The following PCDHGA2 variants were observed in gnomAD, a reference collection of about 807,000 sequenced individuals.
PCDHGA2 encodes the protein protocadherin gamma subfamily A, 2.
PCDHGA2 carries 40 observed loss-of-function variants against 59.2 expected under a neutral mutation model. The ratio of observed to expected loss-of-function variants is 0.68; its 90% CI spans 0.52 to 0.88. PCDHGA2 has a LOEUF of 0.88. Among genes scored for constraint, PCDHGA2 ranks in the 40% least tolerant of loss-of-function variants. The pLI is 0.00. For synonymous variants in PCDHGA2, 560 were observed against 526.0 expected (o/e 1.06, Z -0.89); for missense variants, 1,226 against 1,204.0 (o/e 1.02, Z -0.27).
Position 141,379,889 on chromosome 5 carries a change from C to CTTTTTTTT in PCDHGA2, c.2424+38517_2424+38524dup, listed in dbSNP as rs70988800. On this transcript the variant is annotated intron_variant, in intron 1 of 3. Transcript: ENST00000394576. ...CTTATTTTATGGTCTGTGAAAGCCT[C>CTTTTTTTT]TTTTTTTTTTTTTTTTTTTTTTTTT... Among the ~76,000 whole-genome samples the CTTTTTTTT allele has an allele frequency of 4.7e-3, 239 of 50,824 alleles. 36 individuals carry two copies. The highest frequency in any genetic ancestry group is 8.3e-3 in the African/African-American group (125 of 15,078). The allele number at this position is 50,824 out of a possible 152,430, so 33.3% of individuals were successfully genotyped here.
chr5:141,401,171 G>A (rs1222326375), intron 1 of PCDHGA2, among the ~76,000 whole-genome samples: 1 of 152,054 alleles, frequency 6.6e-6, no homozygotes, highest in African/African-American at 2.4e-5. Context: ...GTGAAAACCC[G>A]TCTCTACTAA....
At chr5:141,495,605 T>G (rs1201224193) in intron 2 of PCDHGA2, among the ~76,000 whole-genome samples, 2 of 152,228 alleles carry the variant, frequency 1.3e-5, no homozygotes, top group African/African-American at 2.4e-5. Context: ...GCTTCCGTCT[T>G]GATTGCTGCA....
rs766168062 is a variant in PCDHGA2, at chr5:141,491,124, G to A, written c.2425-3683G>A. ...TCGTGTCTACACACACTGGTGAGGT[G>A]CGCACAGCCCGGGCCTTACTGGAGG... On this transcript the variant is annotated intron_variant, in intron 1 of 3. Transcript: ENST00000394576. The surrounding 1 kb of genome is among the most constrained non-coding windows in gnomAD (Gnocchi z 6.9). 22 of 1,614,092 alleles carry A rather than the reference G, an allele frequency of 1.4e-5. No individual in the cohort carries two copies. The highest frequency in any genetic ancestry group is 3.3e-5 in the Admixed American group (2 of 60,004).
Position 141,376,352 on chromosome 5 carries a change from G to A in PCDHGA2, c.2424+34957G>A, listed in dbSNP as rs919062386. On this transcript the variant is annotated intron_variant, in intron 1 of 3. Coordinates refer to ENST00000394576, the MANE Select transcript of PCDHGA2 (RefSeq NM_018915.4). Reference sequence around the variant, plus strand: ...TTTCCTGCAGACCTATTCCCACGAGGTCTCACTCACTGCAGACTCGCGTAA... The same window carrying A: ...TTTCCTGCAGACCTATTCCCACGAGATCTCACTCACTGCAGACTCGCGTAA... 3.9e-5 allele frequency: 63 copies of A among 1,614,164 alleles called. No homozygotes were observed. In the East Asian group the frequency reaches 1.4e-3, roughly 35 times the overall value.
intron 1 of PCDHGA2, chr5:141,375,948 A>G (rs773530247): frequency 2.5e-6 from 4 of 1,613,438 alleles, no homozygotes; most frequent in Non-Finnish European, 2.5e-6. Context: ...GTGGGCCTGC[A>G]CACGGGCGAG....
chr5:141,473,263 T>C (rs2099318134), intron 1 of PCDHGA2, among the ~76,000 whole-genome samples: 1 of 152,210 alleles, frequency 6.6e-6, no homozygotes, highest in African/African-American at 2.4e-5. Context: ...GTCCTTAGTG[T>C]ATGCTATGAT....
At chr5:141,415,540 T>C (rs1202920204) in intron 1 of PCDHGA2, 9 of 1,614,184 alleles carry the variant, frequency 5.6e-6, no homozygotes, top group Non-Finnish European at 7.6e-6. Context: ...CCAGGAGAGC[T>C]GTGAGAAAAA....
intron 1 of PCDHGA2, among the ~76,000 whole-genome samples, chr5:141,474,420 T>C (rs1260451051): frequency 2.0e-5 from 3 of 152,226 alleles, no homozygotes; most frequent in Admixed American, 2.0e-4. Flanking sequence ...GCCTAGACCA[T>C]TGGTCCTCAC....
chr5:141,348,847 C>A (rs1408351046), intron 1 of PCDHGA2, among the ~76,000 whole-genome samples: 1 of 152,086 alleles, frequency 6.6e-6, no homozygotes, highest in African/African-American at 2.4e-5. Context: ...TGGGTGAGCA[C>A]TGCAAAATAG....
At position 141,476,477 on chromosome 5, in the gene PCDHGA2, G is replaced by A; in HGVS notation, c.2425-18330G>A. 1.2e-6 allele frequency: 2 copies of A among 1,614,078 alleles called. No individual in the cohort carries two copies. Among genetic ancestry groups the A allele is most frequent in the South Asian group, 1.1e-5 (1 of 91,070 alleles). ...GGAGAACCCGCTGGAGCTGTTCAGC[G>A]TGGAAGTGGTGATCCAGGACATCAA... On this transcript the variant is annotated intron_variant, in intron 1 of 3. Transcript: ENST00000394576. This position sits in a 1 kb window ranked among gnomAD's most constrained non-coding sequence, Gnocchi z 7.6.
chr5:141,505,041 C>T (rs1028101225), intron 2 of PCDHGA2, among the ~76,000 whole-genome samples: 4 of 152,142 alleles, frequency 2.6e-5, no homozygotes, highest in African/African-American at 9.7e-5. Flanking sequence ...AGGTGCCTGT[C>T]ATCCCAGCTA....
At position 141,431,942 on chromosome 5, in the gene PCDHGA2, G is replaced by A. The variant is rs1284808063; in HGVS notation, c.2425-62865G>A. 6.2e-7 allele frequency: 1 copy of A among 1,614,116 alleles called. No homozygotes were observed. The highest frequency in any genetic ancestry group is 2.2e-5 in the East Asian group (1 of 44,884). ...CCAAGGAAATCTGCCCTTTAAATTA[G>A]AAAAATCTTACGGAAATTACTATAG... On this transcript the variant is annotated intron_variant, in intron 1 of 3. Transcript: ENST00000394576. The surrounding 1 kb of genome is among the most constrained non-coding windows in gnomAD (Gnocchi z 4.8).
intron 1 of PCDHGA2, chr5:141,410,847 G>GTA: frequency 1.9e-5 from 3 of 158,244 alleles, no homozygotes; most frequent in East Asian, 1.3e-4. Flanking sequence ...TTTTGTCTTT[G>GTA]TCTTTTTTTT....
rs760070878 is a variant in PCDHGA2, at chr5:141,490,862, C to T, written c.2425-3945C>T. On this transcript the variant is annotated intron_variant, in intron 1 of 3. Coordinates refer to ENST00000394576, the MANE Select transcript of PCDHGA2 (RefSeq NM_018915.4). This position sits in a 1 kb window ranked among gnomAD's most constrained non-coding sequence, Gnocchi z 5.4. ...GTGGTGGGGGTTCGAGACTCCGGCTCTCCCCCATTGCATGCCAACACATCT... is the reference window on the plus strand; with the variant it reads ...GTGGTGGGGGTTCGAGACTCCGGCTTTCCCCCATTGCATGCCAACACATCT... 2.0e-5 allele frequency: 33 copies of T among 1,613,878 alleles called. No individual in the cohort carries two copies. Among genetic ancestry groups the T allele is most frequent in the Non-Finnish European group, 2.8e-5 (33 of 1,179,920 alleles).
chr5:141,361,472 A>T (rs1480148367), intron 1 of PCDHGA2: 1 of 1,613,906 alleles, frequency 6.2e-7, no homozygotes, highest in Admixed American at 1.7e-5. Context: ...TCCGACGTCA[A>T]CGATAATGCC....
chr5:141,356,605 G>T (rs1760271301), intron 1 of PCDHGA2: 4 of 1,614,008 alleles, frequency 2.5e-6, no homozygotes, highest in African/African-American at 1.3e-5. Context: ...CCCCAGAGGA[G>T]CCTCCATCTT....
chr5:141,478,179 A>C, intron 1 of PCDHGA2: 1 of 1,613,996 alleles, frequency 6.2e-7, no homozygotes, highest in Non-Finnish European at 8.5e-7. Context: ...GAGCAGAAAA[A>C]AAATCTCACC....
At position 141,341,132 on chromosome 5, in the gene PCDHGA2, A is replaced by G. The variant is rs747276175; in HGVS notation, c.2161A>G (p.Lys721Glu). The part of the protein sequence containing the change: ...LLAHRLRRWH[K>E]SRLLQASGGS... ...GGCGCACAGGCTGCGGCGCTGGCAC[A>G]AGTCACGCCTGCTGCAGGCTTCAGG... The change falls in exon 1 of 4, where the codon AAG becomes GAG. Residue 721 changes from lysine (K) to glutamate (E), a missense_variant. Transcript: ENST00000394576. 4.3e-5 allele frequency: 70 copies of G among 1,614,068 alleles called. No individual in the cohort carries two copies. The African/African-American group carries it at 6.0e-4, about 14-fold the overall frequency.
chr5:141,491,901 G>C lies in PCDHGA2; in HGVS notation c.2425-2906G>C, dbSNP rs1196717010. 1 of 1,429,696 alleles carries C rather than the reference G, an allele frequency of 7.0e-7. No homozygotes were observed. The highest frequency in any genetic ancestry group is 9.3e-7 in the Non-Finnish European group (1 of 1,080,148). 88.6% of individuals were successfully genotyped at this position (1,429,696 alleles called of 1,614,324 possible). ...AAGGGATGGGGCTCCGAGCACCGGG[G>C]GTGGTGGCGACTGTGGGCGAGGGGA... On this transcript the variant is annotated intron_variant, in intron 1 of 3. Transcript: ENST00000394576. The surrounding 1 kb of genome is among the most constrained non-coding windows in gnomAD (Gnocchi z 6.9).
Sources: allele counts gnomAD v4.1 joint callset (sites outside exome capture counted in the v4.1 genomes callset), GRCh38; gene constraint gnomAD v4.1.1; non-coding constraint Gnocchi (gnomAD v3.1); transcripts MANE v1.5; gene names NCBI Gene and HGNC (gene_info 2026-07-23, HGNC 2026-07-21).